CCDC148: variants seen among roughly 807,000 people sequenced by gnomAD.
CCDC148 encodes coiled-coil domain containing 148, also known as coiled-coil domain-containing protein 148.
A neutral mutation model predicts 85.7 loss-of-function variants in CCDC148; 89 were observed. That is an observed-to-expected ratio of 1.04 (90% CI 0.87 to 1.24). The LOEUF (loss-of-function observed/expected upper bound fraction) is 1.24. Among genes scored for constraint, CCDC148 ranks in the 50% most tolerant of loss-of-function variants. CCDC148 has a pLI of 0.00. For missense variants in CCDC148, 692 were observed against 671.7 expected, an observed-to-expected ratio of 1.03 and a Z score of -0.33; for synonymous variants, 230 against 213.9, an observed-to-expected ratio of 1.08 and a Z score of -0.66.
chr2:158,233,075 C>T (rs1687930670), intron 10 of CCDC148, among the ~76,000 whole-genome samples: 1 of 152,092 alleles, frequency 6.6e-6, no homozygotes, highest in South Asian at 2.1e-4. Context: ...ATCCCAATTA[C>T]TCTGACTTGA....
chr2:158,230,342 T>G (rs1289366444), intron 10 of CCDC148, among the ~76,000 whole-genome samples: 2 of 152,218 alleles, frequency 1.3e-5, no homozygotes, highest in African/African-American at 4.8e-5. Context: ...AGAAGGTATC[T>G]TTTAAATGTC....
At chr2:158,449,034 G>A (rs1001313659) in intron 1 of CCDC148, among the ~76,000 whole-genome samples, 9 of 151,682 alleles carry the variant, frequency 5.9e-5, no homozygotes, top group Non-Finnish European at 1.2e-4. Context: ...CACCATGTTG[G>A]CCAGGCTGCT....
chr2:158,387,388 T>C (rs751502466), intron 1 of CCDC148, among the ~76,000 whole-genome samples: 1 of 152,154 alleles, frequency 6.6e-6, no homozygotes, highest in African/African-American at 2.4e-5. Context: ...TCCTCTCCTA[T>C]ATTTGTAACT....
At chr2:158,277,443 T>C (rs1690005236) in intron 9 of CCDC148, among the ~76,000 whole-genome samples, 2 of 152,192 alleles carry the variant, frequency 1.3e-5, no homozygotes, top group Admixed American at 1.3e-4. Context: ...TCTAAATATA[T>C]ACTATGGTCA....
At chr2:158,388,657 G>A (rs1456950325) in intron 1 of CCDC148, among the ~76,000 whole-genome samples, 1 of 151,998 alleles carries the variant, frequency 6.6e-6, no homozygotes, top group Non-Finnish European at 1.5e-5. Flanking sequence ...ACAATGCTCG[G>A]ATAATTTTTG....
chr2:158,401,760 C>T (rs1045235369), intron 1 of CCDC148, among the ~76,000 whole-genome samples: 13 of 151,942 alleles, frequency 8.6e-5, no homozygotes, highest in African/African-American at 3.1e-4. Context: ...CAAGTTGATT[C>T]TGACTCAAGT....
At chr2:158,289,412 T>A (rs1690784650) in intron 9 of CCDC148, among the ~76,000 whole-genome samples, 1 of 151,874 alleles carries the variant, frequency 6.6e-6, no homozygotes, top group Non-Finnish European at 1.5e-5. Flanking sequence ...AAAAAATGGA[T>A]GAAAGACTTA....
At chr2:158,295,537 G>A (rs1390735018) in intron 9 of CCDC148, among the ~76,000 whole-genome samples, 2 of 146,258 alleles carry the variant, frequency 1.4e-5, no homozygotes, top group African/African-American at 5.0e-5. Flanking sequence ...TGATCAAGTG[G>A]GCTTCATCCC....
chr2:158,428,172 G>C (rs1687164303), intron 1 of CCDC148, among the ~76,000 whole-genome samples: 1 of 152,154 alleles, frequency 6.6e-6, no homozygotes, highest in Non-Finnish European at 1.5e-5. Flanking sequence ...GGCCACTTAG[G>C]AGACTGTTAC....
chr2:158,449,025 A>G (rs1688281454), intron 1 of CCDC148, among the ~76,000 whole-genome samples: 1 of 151,694 alleles, frequency 6.6e-6, no homozygotes, highest in Non-Finnish European at 1.5e-5. Flanking sequence ...ACAGCATTTC[A>G]CCATGTTGGC....
intron 13 of CCDC148, among the ~76,000 whole-genome samples, 170 bp downstream of exon 13, chr2:158,176,351 A>G (rs984466118): frequency 1.3e-5 from 2 of 152,080 alleles, no homozygotes; most frequent in Non-Finnish European, 2.9e-5. Flanking sequence ...AGTTTGTAAT[A>G]TTAAGAATTA....
At chr2:158,369,258 T>G (rs1684332754) in intron 1 of CCDC148, among the ~76,000 whole-genome samples, 1 of 152,156 alleles carries the variant, frequency 6.6e-6, no homozygotes, top group Non-Finnish European at 1.5e-5. Flanking sequence ...ATAAATTACT[T>G]TGGGCAGTAT....
intron 1 of CCDC148, among the ~76,000 whole-genome samples, chr2:158,433,010 G>GTC (rs776711000): frequency 2.0e-5 from 3 of 147,668 alleles, no homozygotes; most frequent in Non-Finnish European, 4.5e-5. Context: ...GGCCAAGGTG[G>GTC]GTGGACTGCT....
At chr2:158,211,144 C>G (rs1245438712) in intron 11 of CCDC148, among the ~76,000 whole-genome samples, 1 of 151,612 alleles carries the variant, frequency 6.6e-6, no homozygotes, top group Non-Finnish European at 1.5e-5. Context: ...TGTAACCAAC[C>G]TGTACATTCT....
At chr2:158,229,394 C>T (rs1330436467) in intron 10 of CCDC148, among the ~76,000 whole-genome samples, 1 of 152,184 alleles carries the variant, frequency 6.6e-6, no homozygotes, top group Non-Finnish European at 1.5e-5. Flanking sequence ...GTGTCTAAAA[C>T]ATAGCATGTA....
intron 11 of CCDC148, among the ~76,000 whole-genome samples, chr2:158,197,420 T>C (rs1222212639): frequency 6.6e-6 from 1 of 152,140 alleles, no homozygotes. Context: ...CTTTCTAATA[T>C]CCTACAAAGT....
intron 2 of CCDC148, among the ~76,000 whole-genome samples, chr2:158,358,247 G>C (rs890081433): frequency 1.1e-4 from 17 of 152,150 alleles, no homozygotes; most frequent in African/African-American, 3.4e-4. Flanking sequence ...AACATTAAAT[G>C]GGTAATGTAT....
intron 8 of CCDC148, 112 bp downstream of exon 8, chr2:158,313,644 T>C: frequency 9.3e-7 from 1 of 1,078,262 alleles, no homozygotes; most frequent in South Asian, 2.0e-5. Flanking sequence ...TTCTAGAGGG[T>C]AGGAAAAAAA....
intron 7 of CCDC148, among the ~76,000 whole-genome samples, chr2:158,337,312 C>T (rs776558589): frequency 3.9e-5 from 6 of 152,074 alleles, no homozygotes; most frequent in Non-Finnish European, 7.4e-5. Flanking sequence ...ATGATAGGGT[C>T]AGATTTACCC....
Sources: allele counts gnomAD v4.1 joint callset (sites outside exome capture counted in the v4.1 genomes callset), GRCh38; gene constraint gnomAD v4.1.1; transcripts MANE v1.5; gene names NCBI Gene and HGNC (gene_info 2026-07-23, HGNC 2026-07-21).